Variants in ZNF143 observed in about 807,000 individuals in gnomAD.
ZNF143 encodes the protein SPH-binding factor.
ZNF143 carries 49 observed loss-of-function variants against 74.1 expected under a neutral mutation model. That is an observed-to-expected ratio of 0.66 (90% CI 0.53 to 0.84). ZNF143 has a LOEUF of 0.84. Among genes scored for constraint, ZNF143 ranks in the 40% least tolerant of loss-of-function variants. ZNF143 has a pLI of 0.00. For missense variants in ZNF143, 637 were observed against 793.4 expected, an observed-to-expected ratio of 0.80 and a Z score of 2.37; for synonymous variants, 304 against 282.8, an observed-to-expected ratio of 1.07 and a Z score of -0.75.
At chr11:9,522,628 G>C (rs1848976151) in intron 14 of ZNF143, among the ~76,000 whole-genome samples, 1 of 152,114 alleles carries the variant, frequency 6.6e-6, no homozygotes, top group South Asian at 2.1e-4. Flanking sequence ...CAAGTAGCTG[G>C]GATTACAAGC....
intron 5 of ZNF143, among the ~76,000 whole-genome samples, chr11:9,475,910 A>ATGTGTGTGTGTGTGTGTGTG (rs61636956): frequency 2.9e-5 from 4 of 137,288 alleles, no homozygotes; most frequent in African/African-American, 8.3e-5. Flanking sequence ...AAAAATATAT[A>ATGTGTGTGTGTGTGTGTGTG]TGTGTGTGTG....
chr11:9,502,405 C>T (rs1329620547), intron 11 of ZNF143, among the ~76,000 whole-genome samples: 6 of 149,886 alleles, frequency 4.0e-5, no homozygotes, highest in African/African-American at 1.0e-4. Context: ...GTCAGGATAT[C>T]GAGACCATCC....
chr11:9,472,275 C>T (rs539837302), intron 2 of ZNF143, among the ~76,000 whole-genome samples: 20 of 151,730 alleles, frequency 1.3e-4, no homozygotes, highest in African/African-American at 2.9e-4. Context: ...TTTTTTGAGA[C>T]GGAGTCTGGC....
chr11:9,474,559 GTT>G lies in ZNF143; in HGVS notation c.301_302del (p.Leu101AlafsTer25). On this transcript the variant is annotated frameshift_variant, in exon 5 of 16. Coordinates refer to ENST00000396602, the MANE Select transcript of ZNF143 (RefSeq NM_003442.6). LOFTEE classifies it high-confidence loss of function. ...AAGCATTGTTCTTGAGCAGGGGACA[GTT>G]TGCGTCTAGAGGATGGTCAAGCAGT... 1 of 1,614,176 alleles carries G rather than the reference GTT, an allele frequency of 6.2e-7. No individual in the cohort carries two copies. Among genetic ancestry groups the G allele is most frequent in the Non-Finnish European group, 8.5e-7 (1 of 1,180,020 alleles).
chr11:9,517,651 TTAAAA>T (rs1436742560), intron 14 of ZNF143, among the ~76,000 whole-genome samples: 3 of 152,208 alleles, frequency 2.0e-5, no homozygotes, highest in Admixed American at 1.3e-4. Context: ...TTCATTTCCC[TTAAAA>T]TAAATAATGT....
At chr11:9,473,903 G>A (rs758660579) in intron 3 of ZNF143, 38 bp from the exon 4 acceptor site, 2 of 1,613,298 alleles carry the variant, frequency 1.2e-6, no homozygotes, top group Non-Finnish European at 1.7e-6. Flanking sequence ...TAAAATTTTT[G>A]TTTGTGCCAA....
intron 14 of ZNF143, among the ~76,000 whole-genome samples, chr11:9,517,668 A>G (rs1848771825): frequency 6.6e-6 from 1 of 152,314 alleles, no homozygotes; most frequent in Middle Eastern, 3.4e-3. Flanking sequence ...AAATAATGTA[A>G]TATATTTAAA....
rs767165257 is a variant in ZNF143 at position 9,508,611 on chromosome 11, C to T, written c.1148-8C>T. ...AAAGTTGAACTTTTTTTTGGTGTTG[C>T]TCTTTAGGAGAAAAGCCATATGTTT... On this transcript the variant is annotated splice_polypyrimidine_tract_variant and splice_region_variant and intron_variant, in intron 11 of 15. Coordinates refer to ENST00000396602, the MANE Select transcript of ZNF143 (RefSeq NM_003442.6). 5 of 1,605,630 alleles carry T rather than the reference C, an allele frequency of 3.1e-6. No homozygotes were observed. In the South Asian group the frequency reaches 4.4e-5, roughly 14 times the overall value.
chr11:9,467,129 T>A (rs1856281091), intron 1 of ZNF143, among the ~76,000 whole-genome samples: 1 of 151,320 alleles, frequency 6.6e-6, no homozygotes, highest in African/African-American at 2.4e-5. Flanking sequence ...CCTGACCTCG[T>A]GATCCACCCG....
At chr11:9,513,249 G>A (rs1848614861) in intron 13 of ZNF143, among the ~76,000 whole-genome samples, 1 of 152,128 alleles carries the variant, frequency 6.6e-6, no homozygotes, top group Non-Finnish European at 1.5e-5. Flanking sequence ...CTTTCATGGA[G>A]AACGCTCTCC....
At chr11:9,492,343 C>G (rs1055915976) in intron 7 of ZNF143, among the ~76,000 whole-genome samples, 1 of 151,946 alleles carries the variant, frequency 6.6e-6, no homozygotes, top group African/African-American at 2.4e-5. Flanking sequence ...AACTTCCGTC[C>G]TCAGGTGGAT....
At chr11:9,523,586 T>C (rs1589956110) in intron 14 of ZNF143, among the ~76,000 whole-genome samples, 1 of 151,276 alleles carries the variant, frequency 6.6e-6, no homozygotes, top group Non-Finnish European at 1.5e-5. Context: ...TACAAAAAAT[T>C]AGCTGGGCGT....
Position 9,508,595 on chromosome 11 carries a change from C to T in ZNF143, c.1148-24C>T, listed in dbSNP as rs770332220. ...TTTGCCTACATATGTAAAAGTTGAACTTTTTTTTGGTGTTGCTCTTTAGGA... is the reference window on the plus strand; with the variant it reads ...TTTGCCTACATATGTAAAAGTTGAATTTTTTTTTGGTGTTGCTCTTTAGGA... On this transcript the variant is annotated intron_variant, in intron 11 of 15. Coordinates refer to ENST00000396602, the MANE Select transcript of ZNF143 (RefSeq NM_003442.6). 14 of 1,595,380 alleles carry T rather than the reference C, an allele frequency of 8.8e-6. No homozygotes were observed. The African/African-American group carries it at 1.1e-4, about 12-fold the overall frequency.
chr11:9,522,957 TG>T (rs1223350167), intron 14 of ZNF143, among the ~76,000 whole-genome samples: 1 of 141,628 alleles, frequency 7.1e-6, no homozygotes, highest in African/African-American at 2.6e-5. Flanking sequence ...TTAGTAGAGG[TG>T]GGGTTTCACC....
intron 14 of ZNF143, among the ~76,000 whole-genome samples, chr11:9,524,547 A>G (rs920622312): frequency 1.2e-4 from 18 of 152,168 alleles, no homozygotes; most frequent in Admixed American, 5.2e-4. Context: ...TTTTTAATCT[A>G]TTCTTTCTCT....
chr11:9,476,458 C>T (rs1433164118), intron 5 of ZNF143, among the ~76,000 whole-genome samples: 2 of 152,072 alleles, frequency 1.3e-5, no homozygotes, highest in South Asian at 2.1e-4. Flanking sequence ...CTGCAACCTC[C>T]GCCTCCTGGT....
chr11:9,511,418 C>A (rs1172091611), intron 12 of ZNF143, among the ~76,000 whole-genome samples: 3 of 150,712 alleles, frequency 2.0e-5, no homozygotes, highest in Non-Finnish European at 4.4e-5. Flanking sequence ...TGCCTCAGCC[C>A]CCTGAGTAGC....
intron 2 of ZNF143, among the ~76,000 whole-genome samples, chr11:9,472,411 G>A (rs532217480): frequency 3.5e-4 from 53 of 152,104 alleles, no homozygotes; most frequent in Middle Eastern, 6.8e-3. Flanking sequence ...ATGCCACCGC[G>A]CCCGACTAAT....
At chr11:9,525,989 A>T (rs1442662848) in intron 15 of ZNF143, among the ~76,000 whole-genome samples, 1 of 151,756 alleles carries the variant, frequency 6.6e-6, no homozygotes, top group African/African-American at 2.4e-5. Flanking sequence ...AAAAACACAA[A>T]AATTAGCTGG....
Sources: gnomAD v4.1 joint callset for allele counts (sites outside exome capture counted in the v4.1 genomes callset) on GRCh38, gnomAD v4.1.1 for gene constraint, MANE v1.5 for transcripts, NCBI Gene and HGNC (gene_info 2026-07-23, HGNC 2026-07-21) for gene names.